The following SLC2A14 variants were observed in gnomAD, a reference collection of about 807,000 sequenced individuals.
SLC2A14 encodes solute carrier family 2 member 14.
Under a neutral mutation model 43.0 loss-of-function variants are expected in SLC2A14, and 13 were observed. The ratio of observed to expected loss-of-function variants is 0.30; its 90% CI spans 0.20 to 0.48. The LOEUF is 0.48. Among genes scored for constraint, SLC2A14 ranks in the 20% least tolerant of loss-of-function variants. The pLI is 0.99. For synonymous variants in SLC2A14, 190 were observed against 233.8 expected (o/e 0.81, Z 1.71); for missense variants, 428 against 620.4 (o/e 0.69, Z 3.29).
chr12:7,848,208 A>C (rs546062946), intron 2 of SLC2A14, among the ~76,000 whole-genome samples: 13 of 152,120 alleles, frequency 8.5e-5, no homozygotes, highest in Non-Finnish European at 1.6e-4. Context: ...GGTTACCTTC[A>C]CTTCCTTATT....
intron 2 of SLC2A14, among the ~76,000 whole-genome samples, chr12:7,859,258 C>T (rs781103642): frequency 3.3e-5 from 5 of 151,986 alleles, no homozygotes; most frequent in South Asian, 2.1e-4. Context: ...GGCGTAGTGG[C>T]GCATGCCTGT....
intron 1 of SLC2A14, among the ~76,000 whole-genome samples, chr12:7,886,859 C>A (rs1945696088): frequency 6.6e-6 from 1 of 150,848 alleles, no homozygotes; most frequent in Non-Finnish European, 1.5e-5. Context: ...TATTTGTTTA[C>A]AAAACCCTAG....
intron 2 of SLC2A14, among the ~76,000 whole-genome samples, chr12:7,833,637 A>C (rs10744066): frequency 0.96 from 146,176 of 152,154 alleles, 70,442 homozygotes; most frequent in Non-Finnish European, 1. Flanking sequence ...AAAAATTAGC[A>C]GGGCATGGTG....
chr12:7,875,605 T>C (rs1356018233), upstream of SLC2A14, among the ~76,000 whole-genome samples: 1 of 152,036 alleles, frequency 6.6e-6, no homozygotes, highest in Non-Finnish European at 1.5e-5. Context: ...GTGATGGTAT[T>C]AGGGTATAGA....
At position 7,859,569 on chromosome 12, in the gene SLC2A14, G is replaced by A. The variant is rs781334503; in HGVS notation, c.18+10294C>T. On this transcript the variant is annotated intron_variant, in intron 2 of 10. Coordinates refer to ENST00000431042, the MANE Select transcript of SLC2A14 (RefSeq NM_001286234.2). ...AAAACAAGATGATTGGAAATGAGTGGACAAGAAACTGAGGGCCAGTTGTCT... is the reference window on the plus strand; with the variant it reads ...AAAACAAGATGATTGGAAATGAGTGAACAAGAAACTGAGGGCCAGTTGTCT... 2.4e-4 allele frequency among the ~76,000 whole-genome samples: 36 copies of A among 152,206 alleles called. No homozygotes were observed. The South Asian group carries it at 7.5e-3, about 32-fold the overall frequency.
chr12:7,880,727 C>A (rs1243298015), intron 1 of SLC2A14, among the ~76,000 whole-genome samples: 3 of 147,682 alleles, frequency 2.0e-5, no homozygotes, highest in South Asian at 2.1e-4. Flanking sequence ...GAGAAATTGG[C>A]CGGGCGCAGT....
chr12:7,857,244 C>T (rs1005520077), intron 2 of SLC2A14, among the ~76,000 whole-genome samples: 2 of 150,334 alleles, frequency 1.3e-5, no homozygotes, highest in African/African-American at 4.9e-5. Context: ...AGCAAGAATC[C>T]GTCTCAAAAA....
intron 2 of SLC2A14, among the ~76,000 whole-genome samples, chr12:7,838,112 G>A (rs1592209124): frequency 6.8e-6 from 1 of 147,074 alleles, no homozygotes; most frequent in East Asian, 2.0e-4. Context: ...TTTCGAGACA[G>A]AATCTCGCTC....
At chr12:7,857,111 G>T (rs951195265) in intron 2 of SLC2A14, among the ~76,000 whole-genome samples, 2 of 151,920 alleles carry the variant, frequency 1.3e-5, no homozygotes, top group African/African-American at 4.8e-5. Flanking sequence ...TTAGCTGGGT[G>T]TGGTGGCACG....
At chr12:7,870,680 G>T (rs10047605) in intron 1 of SLC2A14, among the ~76,000 whole-genome samples, 39,376 of 151,740 alleles carry the variant, frequency 0.26, 5,741 homozygotes, top group Middle Eastern at 0.36. Context: ...TCCTGTATCA[G>T]CTAGTTCTTA....
chr12:7,874,029 G>A (rs1246386272), upstream of SLC2A14, among the ~76,000 whole-genome samples: 1 of 152,110 alleles, frequency 6.6e-6, no homozygotes, highest in Non-Finnish European at 1.5e-5. Context: ...CAATAAACAT[G>A]TCAAAAGGCA....
chr12:7,832,363 A>G (rs1865113861), intron 3 of SLC2A14, among the ~76,000 whole-genome samples: 1 of 152,186 alleles, frequency 6.6e-6, no homozygotes, highest in South Asian at 2.1e-4. Context: ...GTATTACTAT[A>G]GGGTGAAAGA....
chr12:7,815,364 CGA>C (rs1346662651), intron 10 of SLC2A14, among the ~76,000 whole-genome samples: 1 of 151,994 alleles, frequency 6.6e-6, no homozygotes, highest in Non-Finnish European at 1.5e-5. Flanking sequence ...TGCAGTGAGC[CGA>C]GAGTGAGCCA....
chr12:7,845,670 T>C (rs753867555), intron 2 of SLC2A14, among the ~76,000 whole-genome samples: 2 of 149,538 alleles, frequency 1.3e-5, no homozygotes, highest in Admixed American at 6.6e-5. Context: ...TCCCAGCTAC[T>C]TGGGAGGCTG....
intron 1 of SLC2A14, among the ~76,000 whole-genome samples, chr12:7,887,596 GA>G (rs1945709299): frequency 6.9e-6 from 1 of 144,306 alleles, no homozygotes; most frequent in Non-Finnish European, 1.6e-5. Context: ...TAGATAGATA[GA>G]TAGATAGATA....
chr12:7,821,379 A>G, intron 7 of SLC2A14, 54 bp from the exon 8 acceptor site: 2 of 1,477,888 alleles, frequency 1.4e-6, no homozygotes, highest in Non-Finnish European at 1.9e-6. Flanking sequence ...CCACTTACAC[A>G]GAACCCTCAA....
intron 9 of SLC2A14, 54 bp downstream of exon 9, chr12:7,819,428 A>G: frequency 6.2e-7 from 1 of 1,604,484 alleles, no homozygotes; most frequent in South Asian, 1.1e-5. Flanking sequence ...ACAGAAGTCA[A>G]CTGTAACCTC....
intron 2 of SLC2A14, among the ~76,000 whole-genome samples, chr12:7,847,304 G>A (rs772823229): frequency 6.6e-6 from 1 of 152,048 alleles, no homozygotes; most frequent in African/African-American, 2.4e-5. Flanking sequence ...TCTGAGTACA[G>A]TGGTGTTTGT....
At chr12:7,852,783 C>T (rs1215323687) in intron 2 of SLC2A14, among the ~76,000 whole-genome samples, 1 of 152,112 alleles carries the variant, frequency 6.6e-6, no homozygotes, top group African/African-American at 2.4e-5. Context: ...TTCAGCAAGA[C>T]ATCTCAGAAA....
Sources: allele counts gnomAD v4.1 joint callset (sites outside exome capture counted in the v4.1 genomes callset), GRCh38; gene constraint gnomAD v4.1.1; transcripts MANE v1.5; gene names NCBI Gene and HGNC (gene_info 2026-07-23, HGNC 2026-07-21).